Variants in DOCK11 observed in about 807,000 individuals in gnomAD.
The protein encoded by DOCK11 is dedicator of cytokinesis protein 11.
Under a neutral mutation model 169.1 loss-of-function variants are expected in DOCK11, and 70 were observed. The observed-to-expected ratio is 0.41, with a 90% CI of 0.34 to 0.51. The LOEUF (loss-of-function observed/expected upper bound fraction) is 0.51, where lower values mean the gene tolerates loss of function less well. Among genes scored for constraint, DOCK11 ranks in the 20% least tolerant of loss-of-function variants. The pLI is 0.10. For missense variants in DOCK11, 1,166 were observed against 1,538.8 expected, an observed-to-expected ratio of 0.76 and a Z score of 4.05; for synonymous variants, 529 against 541.3, an observed-to-expected ratio of 0.98 and a Z score of 0.32.
chrX:118,496,480 C>G (rs1008302323), intron 1 of DOCK11, among the ~76,000 whole-genome samples: 2 of 112,755 alleles, frequency 1.8e-5, no homozygotes, highest in Non-Finnish European at 3.8e-5. Flanking sequence ...CACCTGAGGC[C>G]GCCTAGGCGG....
intron 41 of DOCK11, 142 bp downstream of exon 41, chrX:118,649,269 C>A: frequency 2.4e-6 from 1 of 419,176 alleles, no homozygotes; most frequent in Non-Finnish European, 3.9e-6. Context: ...TTTAGATGTT[C>A]TGAAAGTGTA....
At chrX:118,597,648 G>C in intron 21 of DOCK11, 96 bp downstream of exon 21, 1 of 1,063,373 alleles carries the variant, frequency 9.4e-7, no homozygotes, top group Non-Finnish European at 1.3e-6. Flanking sequence ...GTTACTCAAA[G>C]TGGGGTCTGA....
At chrX:118,545,447 T>C in intron 5 of DOCK11, 55 bp downstream of exon 5, 1 of 893,969 alleles carries the variant, frequency 1.1e-6, no homozygotes, top group Non-Finnish European at 1.5e-6. Context: ...ACGGTCACTT[T>C]GCTGAAAAAG....
intron 1 of DOCK11, among the ~76,000 whole-genome samples, chrX:118,532,575 T>C (rs2011618498): frequency 9.2e-6 from 1 of 108,484 alleles, no homozygotes; most frequent in Non-Finnish European, 1.9e-5. Flanking sequence ...GGTCAGGAGA[T>C]CGAGACCATC....
intron 23 of DOCK11, among the ~76,000 whole-genome samples, chrX:118,599,697 A>G (rs1243327717): frequency 8.9e-6 from 1 of 112,260 alleles, no homozygotes; most frequent in Admixed American, 9.5e-5. Flanking sequence ...ATTGTATCTT[A>G]CCACATGTAT....
intron 29 of DOCK11, among the ~76,000 whole-genome samples, chrX:118,615,024 G>A (rs930571180): frequency 1.8e-5 from 2 of 112,098 alleles, no homozygotes; most frequent in African/African-American, 3.2e-5. Flanking sequence ...ATTCATGAGC[G>A]TGACATAATG....
chrX:118,669,945 C>T (rs767829508), intron 45 of DOCK11, among the ~76,000 whole-genome samples: 8 of 111,402 alleles, frequency 7.2e-5, no homozygotes, highest in Non-Finnish European at 1.3e-4. Flanking sequence ...GTGTCTCTGT[C>T]TTCATATAAA....
At position 118,588,213 on chromosome X, in the gene DOCK11, G is replaced by A. The variant is rs41312765; in HGVS notation, c.1872G>A (p.Glu624=). The A allele has an allele frequency of 0.13, 154,432 of 1,203,180 alleles. 7,328 individuals carry two copies. Among genetic ancestry groups the A allele is most frequent in the South Asian group, 0.16 (9,035 of 55,616 alleles). The part of the protein sequence containing the change: ...NCQNITVEVE[E]FVPEMTKYCY... ...AAAATATTACTGTGGAGGTTGAAGAGTTTGTTCCAGAAATGACAAAATATT... is the reference window on the plus strand; with the variant it reads ...AAAATATTACTGTGGAGGTTGAAGAATTTGTTCCAGAAATGACAAAATATT... Residue 624 remains glutamate, a synonymous_variant, in exon 17 of 53, where the codon GAG becomes GAA. Coordinates refer to ENST00000276202, the MANE Select transcript of DOCK11 (RefSeq NM_144658.4).
chrX:118,658,127 G>A (rs907219381), intron 44 of DOCK11, among the ~76,000 whole-genome samples: 10 of 111,614 alleles, frequency 9.0e-5, no homozygotes, highest in Admixed American at 7.6e-4. Flanking sequence ...TAAGACCAAC[G>A]TATTTGACAA....
At chrX:118,660,706 G>C (rs897500714) in intron 44 of DOCK11, among the ~76,000 whole-genome samples, 1 of 109,443 alleles carries the variant, frequency 9.1e-6, no homozygotes, top group African/African-American at 3.3e-5. Flanking sequence ...TCCTGACCTC[G>C]TGATCTGCCT....
chrX:118,577,328 G>A (rs770543808), intron 12 of DOCK11, among the ~76,000 whole-genome samples: 17 of 112,158 alleles, frequency 1.5e-4, no homozygotes, highest in Non-Finnish European at 2.6e-4. Context: ...CTGTGACCTT[G>A]GGATGCTTTG....
chrX:118,568,383 TA>T (rs2013151188), intron 10 of DOCK11, among the ~76,000 whole-genome samples: 2 of 5,538 alleles, frequency 3.6e-4, no homozygotes, highest in Non-Finnish European at 7.3e-4. Context: ...TATATATATA[TA>T]TATATATATA....
chrX:118,557,738 C>G (rs1444134301), intron 6 of DOCK11, among the ~76,000 whole-genome samples: 1 of 81,907 alleles, frequency 1.2e-5, no homozygotes, highest in Non-Finnish European at 2.2e-5. Context: ...TACTCCAGCC[C>G]GGGAGACAGA....
intron 28 of DOCK11, among the ~76,000 whole-genome samples, chrX:118,611,960 G>A (rs2014694861): frequency 8.9e-6 from 1 of 111,843 alleles, no homozygotes; most frequent in Non-Finnish European, 1.9e-5. Flanking sequence ...GGCCTGGCTG[G>A]TCTTGAACTC....
At position 118,496,055 on chromosome X, in the gene DOCK11, GC is replaced by G; in HGVS notation, c.85del (p.Arg29GlyfsTer48). On this transcript the variant is annotated frameshift_variant, in exon 1 of 53. Transcript: ENST00000276202. LOFTEE classifies it high-confidence loss of function. Reference protein sequence around the residue: ...ELRQSVSEAVRGSVVLEKAKV... With the variant: ...ELRQSVSEAVXGSVVLEKAKV... ...TCCGGCAGAGCGTGTCTGAGGCCGT[GC>G]GGGGCTCCGTGGTGCTGGTGAGTGG... The G allele has an allele frequency of 9.4e-7, 1 of 1,068,472 alleles. No homozygotes were observed. Among genetic ancestry groups the G allele is most frequent in the South Asian group, 2.4e-5 (1 of 41,361 alleles). 88.1% of individuals were successfully genotyped at this position (1,068,472 alleles called of 1,213,427 possible). A position where few individuals can be genotyped will look rare whatever the true frequency, so the allele number is the denominator to read the frequency against.
At chrX:118,512,442 C>CT (rs757443039) in intron 1 of DOCK11, among the ~76,000 whole-genome samples, 1 of 111,946 alleles carries the variant, frequency 8.9e-6, no homozygotes, top group African/African-American at 3.2e-5. Flanking sequence ...AGAAATTGTG[C>CT]TTGATAAATG....
chrX:118,558,716 A>G (rs887668106), intron 6 of DOCK11, among the ~76,000 whole-genome samples: 1 of 112,509 alleles, frequency 8.9e-6, no homozygotes, highest in Non-Finnish European at 1.9e-5. Context: ...ATTTCTACAT[A>G]GAGATGACTT....
intron 44 of DOCK11, among the ~76,000 whole-genome samples, chrX:118,661,756 C>G (rs1393775197): frequency 8.9e-6 from 1 of 111,772 alleles, no homozygotes; most frequent in African/African-American, 3.3e-5. Flanking sequence ...ACACATGTTC[C>G]CCTGTCTAGA....
At chrX:118,616,119 T>G in intron 30 of DOCK11, 3 of 593,353 alleles carry the variant, frequency 5.1e-6, no homozygotes, top group Non-Finnish European at 6.8e-6. Context: ...CATTGCTAGT[T>G]TTATTGAATG....
Sources: gnomAD v4.1 joint callset for allele counts (sites outside exome capture counted in the v4.1 genomes callset) on GRCh38, gnomAD v4.1.1 for gene constraint, MANE v1.5 for transcripts, NCBI Gene and HGNC (gene_info 2026-07-23, HGNC 2026-07-21) for gene names.